Variants in TMEM45A observed in about 807,000 individuals in gnomAD.
TMEM45A encodes the protein transmembrane protein 45A.
TMEM45A carries 25 observed loss-of-function variants against 32.0 expected under a neutral mutation model. That is an observed-to-expected ratio of 0.78 (90% CI 0.57 to 1.09). TMEM45A has a LOEUF of 1.09. Ranked by LOEUF, TMEM45A falls within the 50% of genes least tolerant of loss-of-function variation. The pLI, the probability that TMEM45A is intolerant of heterozygous loss-of-function variation, is 0.00. For synonymous variants in TMEM45A, 122 were observed against 114.8 expected, an observed-to-expected ratio of 1.06 and a Z score of -0.40; for missense variants, 302 against 325.0, an observed-to-expected ratio of 0.93 and a Z score of 0.54.
intron 1 of TMEM45A, among the ~76,000 whole-genome samples, chr3:100,520,384 A>C (rs914102220): frequency 6.6e-6 from 1 of 152,170 alleles, no homozygotes; most frequent in Non-Finnish European, 1.5e-5. Flanking sequence ...GGTCCATGAA[A>C]AAAATAATTG....
intron 1 of TMEM45A, among the ~76,000 whole-genome samples, chr3:100,527,574 T>G (rs1705570490): frequency 6.6e-6 from 1 of 152,162 alleles, no homozygotes; most frequent in South Asian, 2.1e-4. Context: ...CCTTATGAAA[T>G]ATGAAATAGA....
At chr3:100,522,502 C>CA (rs1455824676) in intron 1 of TMEM45A, among the ~76,000 whole-genome samples, 1 of 152,186 alleles carries the variant, frequency 6.6e-6, no homozygotes, top group African/African-American at 2.4e-5. Flanking sequence ...CTTGGCCTGT[C>CA]AAAATGAAGT....
chr3:100,508,415 G>T (rs1320180731), intron 1 of TMEM45A, among the ~76,000 whole-genome samples: 2 of 152,072 alleles, frequency 1.3e-5, no homozygotes, highest in African/African-American at 2.4e-5. Context: ...TACTCAGATG[G>T]TTGCAAAATA....
intron 5 of TMEM45A, among the ~76,000 whole-genome samples, chr3:100,576,158 T>C (rs1159553412): frequency 6.6e-6 from 1 of 151,548 alleles, no homozygotes; most frequent in Non-Finnish European, 1.5e-5. Flanking sequence ...ACTAAAAATA[T>C]AAAAAAAATT....
At chr3:100,510,552 A>T (rs1426709644) in intron 1 of TMEM45A, among the ~76,000 whole-genome samples, 1 of 152,342 alleles carries the variant, frequency 6.6e-6, no homozygotes, top group Non-Finnish European at 1.5e-5. Context: ...AACTCTAAAA[A>T]TCAGAGCGCC....
intron 1 of TMEM45A, among the ~76,000 whole-genome samples, chr3:100,498,566 C>T (rs1707965108): frequency 6.6e-6 from 1 of 151,994 alleles, no homozygotes; most frequent in African/African-American, 2.4e-5. Flanking sequence ...TCAATCTGTC[C>T]ATGTATGTGT....
At chr3:100,541,068 G>A (rs1042821964) in intron 1 of TMEM45A, among the ~76,000 whole-genome samples, 4 of 152,180 alleles carry the variant, frequency 2.6e-5, no homozygotes, top group Non-Finnish European at 5.9e-5. Flanking sequence ...GGATATCTCT[G>A]ATGATTAGTG....
At chr3:100,569,801 T>C (rs1706522990) in intron 5 of TMEM45A, among the ~76,000 whole-genome samples, 1 of 152,252 alleles carries the variant, frequency 6.6e-6, no homozygotes, top group South Asian at 2.1e-4. Context: ...TTTAGTCTTA[T>C]AATTAGGACT....
intron 1 of TMEM45A, among the ~76,000 whole-genome samples, chr3:100,519,825 G>A (rs1705401085): frequency 6.6e-6 from 1 of 152,178 alleles, no homozygotes; most frequent in Non-Finnish European, 1.5e-5. Context: ...TTGGGATCTA[G>A]CATTGTGGGT....
chr3:100,560,103 A>G (rs1287030224), intron 4 of TMEM45A, among the ~76,000 whole-genome samples: 2 of 152,102 alleles, frequency 1.3e-5, no homozygotes, highest in African/African-American at 4.8e-5. Flanking sequence ...GTGTTTTTTT[A>G]TATATTCTAT....
chr3:100,540,495 T>A (rs1705847748), intron 1 of TMEM45A, among the ~76,000 whole-genome samples: 1 of 152,204 alleles, frequency 6.6e-6, no homozygotes, highest in African/African-American at 2.4e-5. Context: ...GAGATACTAC[T>A]ATACACCTAT....
chr3:100,550,409 TAAGAC>T (rs982888824), intron 1 of TMEM45A, among the ~76,000 whole-genome samples: 6 of 152,190 alleles, frequency 3.9e-5, no homozygotes, highest in Admixed American at 2.0e-4. Context: ...ATTTGAGTAT[TAAGAC>T]AAACAGAGCA....
intron 1 of TMEM45A, among the ~76,000 whole-genome samples, chr3:100,526,703 A>G (rs1028425363): frequency 6.6e-6 from 1 of 152,212 alleles, no homozygotes; most frequent in African/African-American, 2.4e-5. Flanking sequence ...TCTGCCAAAA[A>G]AATTCTAGAT....
At chr3:100,550,195 T>TAAAAA (rs768800338) in intron 1 of TMEM45A, among the ~76,000 whole-genome samples, 1 of 133,384 alleles carries the variant, frequency 7.5e-6, no homozygotes, top group African/African-American at 2.7e-5. Context: ...TAAAGCATAA[T>TAAAAA]AAAAAAAAAA....
intron 1 of TMEM45A, among the ~76,000 whole-genome samples, chr3:100,534,621 A>G (rs1004735786): frequency 1.3e-5 from 2 of 152,194 alleles, no homozygotes; most frequent in Non-Finnish European, 2.9e-5. Flanking sequence ...TGTGAGACCC[A>G]TTTCAGACTT....
rs1467908706 is a variant in TMEM45A at position 100,558,505 on chromosome 3, C to T, written c.504C>T (p.Phe168=). 2.5e-6 allele frequency: 4 copies of T among 1,614,024 alleles called. No homozygotes were observed. In the African/African-American group the frequency reaches 4.0e-5, roughly 16 times the overall value. ...TCTTTCTGACAGGCCTCGTTGCCTT[C>T]CTAGAGTTCCTTGTTCGGAACAATG... ...LVVFLTGLVA[F]LEFLVRNNVL... is the part of the protein sequence containing the mutation. The change falls in exon 4 of 6, where the codon TTC becomes TTT. Residue 168 remains phenylalanine (F), a synonymous_variant. Transcript: ENST00000323523.
chr3:100,567,334 C>T (rs1470300449), intron 4 of TMEM45A, among the ~76,000 whole-genome samples: 2 of 151,688 alleles, frequency 1.3e-5, no homozygotes, highest in Non-Finnish European at 2.9e-5. Context: ...GAGTTTATTT[C>T]TGGACTCTCA....
In TMEM45A at chr3:100,525,858, C is replaced by T. The variant is rs1347981803; in HGVS notation, c.-3-29351C>T. Among the ~76,000 whole-genome samples, 3 of 152,184 alleles carry T rather than the reference C, an allele frequency of 2.0e-5. No individual in the cohort carries two copies. In the East Asian group the frequency reaches 5.8e-4, roughly 29 times the overall value. ...ACAGGGATGCGACAAGTAGTACTGG[C>T]TCTGGAAGCACTTTTCCTTCCTTTC... is the stretch of plus-strand genomic sequence containing the variant. On this transcript the variant is annotated intron_variant, in intron 1 of 5. Coordinates refer to ENST00000323523, the MANE Select transcript of TMEM45A (RefSeq NM_018004.3).
intron 1 of TMEM45A, among the ~76,000 whole-genome samples, chr3:100,541,865 A>G (rs566534622): frequency 6.6e-6 from 1 of 152,278 alleles, no homozygotes; most frequent in East Asian, 1.9e-4. Context: ...CTAGCCAGCT[A>G]TCCCAGCACC....
Sources: gnomAD v4.1 joint callset for allele counts (sites outside exome capture counted in the v4.1 genomes callset) on GRCh38, gnomAD v4.1.1 for gene constraint, MANE v1.5 for transcripts, NCBI Gene and HGNC (gene_info 2026-07-23, HGNC 2026-07-21) for gene names.